SARS2: variants seen among roughly 807,000 people sequenced by gnomAD.
SARS2 encodes serine--tRNA ligase, mitochondrial.
Under a neutral mutation model 66.8 loss-of-function variants are expected in SARS2, and 52 were observed. That is an observed-to-expected ratio of 0.78 (90% CI 0.62 to 0.98). The LOEUF is 0.98. SARS2 is among the 50% of genes least tolerant of loss of function. The pLI, the probability that SARS2 is intolerant of heterozygous loss-of-function variation, is 0.00. For missense variants in SARS2, 673 were observed against 706.3 expected, an observed-to-expected ratio of 0.95 and a Z score of 0.53; for synonymous variants, 306 against 281.4, an observed-to-expected ratio of 1.09 and a Z score of -0.87.
At chr19:38,919,428 T>C (rs1033772258) in intron 7 of SARS2, among the ~76,000 whole-genome samples, 9 of 152,210 alleles carry the variant, frequency 5.9e-5, no homozygotes, top group African/African-American at 1.7e-4. Context: ...TTTCAATGGA[T>C]GCTATGATTC....
At chr19:38,919,561 T>G (rs1027934427) in intron 7 of SARS2, among the ~76,000 whole-genome samples, 2 of 152,216 alleles carry the variant, frequency 1.3e-5, no homozygotes, top group Non-Finnish European at 2.9e-5. Flanking sequence ...TCTCTGGGCC[T>G]CAAGCCCTCT....
intron 5 of SARS2, among the ~76,000 whole-genome samples, chr19:38,920,438 AGAG>A (rs1381619173): frequency 6.6e-6 from 1 of 151,850 alleles, no homozygotes; most frequent in Admixed American, 6.6e-5. Flanking sequence ...GAGAGAGGCC[AGAG>A]GAGAAGGAAA....
At chr19:38,921,935 G>C in intron 3 of SARS2, 2 of 1,524,080 alleles carry the variant, frequency 1.3e-6, no homozygotes, top group Non-Finnish European at 1.8e-6. Flanking sequence ...CTGAACTCAT[G>C]AGAATCAGCC....
chr19:38,930,198 G>A (rs940013753), intron 1 of SARS2: 1 of 466,606 alleles, frequency 2.1e-6, no homozygotes, highest in Non-Finnish European at 3.8e-6. Flanking sequence ...CACATAGCAA[G>A]TTCCTAAAGG....
intron 6 of SARS2, 109 bp downstream of exon 6, chr19:38,919,977 A>G: frequency 1.5e-6 from 2 of 1,375,460 alleles, no homozygotes; most frequent in Non-Finnish European, 2.0e-6. Context: ...TGGGGCATCA[A>G]AGATTCATGG....
intron 2 of SARS2, among the ~76,000 whole-genome samples, chr19:38,924,086 C>G (rs958192374): frequency 6.6e-6 from 1 of 150,648 alleles, no homozygotes; most frequent in Non-Finnish European, 1.5e-5. Context: ...GAGCCGAGAT[C>G]GTGCCACTGT....
rs1264402494 is a variant in SARS2 at position 38,923,089 on chromosome 19, T to C, written c.364-822A>G. On this transcript the variant is annotated intron_variant, in intron 2 of 15. Transcript: ENST00000221431. ...CGGCTAATTTTTTTTGTATTTTTCG[T>C]AGAGACAAGGTTTCACCATGTTAGC... Among the ~76,000 whole-genome samples the C allele has an allele frequency of 2.0e-5, 3 of 150,614 alleles. No individual in the cohort carries two copies. In the South Asian group the frequency reaches 6.3e-4, roughly 32 times the overall value.
At chr19:38,922,775 C>T (rs919996034) in intron 2 of SARS2, among the ~76,000 whole-genome samples, 1 of 152,160 alleles carries the variant, frequency 6.6e-6, no homozygotes, top group Admixed American at 6.5e-5. Context: ...CTGTCTCCAG[C>T]CACCATGTGG....
At position 38,921,398 on chromosome 19, in the gene SARS2, T is replaced by TG; in HGVS notation, c.582dup (p.Lys195GlnfsTer76). 1 of 1,613,510 alleles carries TG rather than the reference T, an allele frequency of 6.2e-7. No individual in the cohort carries two copies. Among genetic ancestry groups the TG allele is most frequent in the Non-Finnish European group, 8.5e-7 (1 of 1,179,958 alleles). ...GGCCTGGGGTGTGGCCCACCTGGCTTGTCTCCGACCATGTGGAGCACTCGA... is the reference window on the plus strand; with the variant it reads ...GGCCTGGGGTGTGGCCCACCTGGCTTGGTCTCCGACCATGTGGAGCACTCGA... On this transcript the variant is annotated frameshift_variant, in exon 5 of 16. Transcript: ENST00000221431. LOFTEE classifies it high-confidence loss of function.
chr19:38,929,221 G>C (rs1053539835), intron 1 of SARS2, among the ~76,000 whole-genome samples: 3 of 151,716 alleles, frequency 2.0e-5, no homozygotes, highest in Non-Finnish European at 4.4e-5. Flanking sequence ...TCTTTTACTA[G>C]ACTGTGAACT....
At chr19:38,916,194 C>T (rs368186459) in intron 13 of SARS2, 27 bp downstream of exon 13, 35 of 1,613,552 alleles carry the variant, frequency 2.2e-5, no homozygotes, top group Admixed American at 2.0e-4. Context: ...CTCCTGCCCA[C>T]CCCGTCCCCA....
At chr19:38,918,895 A>C in intron 7 of SARS2, 82 bp from the exon 8 acceptor site, 4 of 1,368,456 alleles carry the variant, frequency 2.9e-6, no homozygotes, top group African/African-American at 1.4e-5. Flanking sequence ...GGTGCTGCAG[A>C]GCCCCTTCCT....
At chr19:38,924,909 T>C (rs1168594864) in intron 2 of SARS2, among the ~76,000 whole-genome samples, 3 of 152,182 alleles carry the variant, frequency 2.0e-5, no homozygotes, top group Admixed American at 6.5e-5. Context: ...ATTAAGAGTA[T>C]GGAAAACACC....
At chr19:38,925,223 G>A (rs1395004441) in intron 2 of SARS2, among the ~76,000 whole-genome samples, 3 of 152,192 alleles carry the variant, frequency 2.0e-5, no homozygotes, top group Admixed American at 6.5e-5. Context: ...TGAGGCAGAA[G>A]AATCACTTGA....
chr19:38,916,011 C>T (rs760926115), intron 14 of SARS2, 26 bp downstream of exon 14: 15 of 1,612,538 alleles, frequency 9.3e-6, no homozygotes, highest in East Asian at 4.5e-5. Flanking sequence ...CGAGGGCACG[C>T]GGGCAGGAGG....
chr19:38,916,185 T>G lies in SARS2; in HGVS notation c.1254+36A>C, dbSNP rs73930228. The G allele has an allele frequency of 0.012, 18,683 of 1,611,092 alleles. 1,429 individuals are homozygous for G. The African/African-American group carries it at 0.19, about 16-fold the overall frequency. On this transcript the variant is annotated intron_variant, in intron 13 of 15. Transcript: ENST00000221431. ...TCAGGGATGGGGGGCAGGCCTGTCCTCCTGCCCACCCCGTCCCCAGCGGCA... is the reference window on the plus strand; with the variant it reads ...TCAGGGATGGGGGGCAGGCCTGTCCGCCTGCCCACCCCGTCCCCAGCGGCA...
chr19:38,924,080 C>T (rs779413025), intron 2 of SARS2, among the ~76,000 whole-genome samples: 3 of 150,866 alleles, frequency 2.0e-5, no homozygotes, highest in Non-Finnish European at 4.4e-5. Flanking sequence ...TGCAGTGAGC[C>T]GAGATCGTGC....
At chr19:38,920,875 A>T (rs1197726624) in intron 5 of SARS2, among the ~76,000 whole-genome samples, 1 of 151,826 alleles carries the variant, frequency 6.6e-6, no homozygotes, top group African/African-American at 2.4e-5. Context: ...AGATACATAG[A>T]CACACACAGA....
intron 8 of SARS2, 99 bp downstream of exon 8, chr19:38,918,667 C>A: frequency 2.7e-6 from 4 of 1,461,110 alleles, no homozygotes; most frequent in Non-Finnish European, 3.8e-6. Context: ...GCCCCCTCAA[C>A]CCAGCCCCAG....
Sources: gnomAD v4.1 joint callset for allele counts (sites outside exome capture counted in the v4.1 genomes callset) on GRCh38, gnomAD v4.1.1 for gene constraint, MANE v1.5 for transcripts, NCBI Gene and HGNC (gene_info 2026-07-23, HGNC 2026-07-21) for gene names.